ABCD3: variants seen among roughly 807,000 people sequenced by gnomAD.
The protein encoded by ABCD3 is ATP-binding cassette sub-family D member 3.
In ABCD3, 41 loss-of-function variants were observed where a neutral mutation model predicts 105.5. The observed-to-expected ratio is 0.39, with a 90% CI of 0.30 to 0.50. ABCD3 has a LOEUF of 0.50. Ranked by LOEUF, ABCD3 falls within the 20% of genes least tolerant of loss-of-function variation. The pLI is 0.84. For missense variants in ABCD3, 622 were observed against 806.3 expected, an observed-to-expected ratio of 0.77 and a Z score of 2.77; for synonymous variants, 258 against 269.0, an observed-to-expected ratio of 0.96 and a Z score of 0.40.
At chr1:94,517,016 T>C (rs372580208) in intron 22 of ABCD3, 36 bp from the exon 23 acceptor site, 24 of 1,379,530 alleles carry the variant, frequency 1.7e-5, no homozygotes, top group Non-Finnish European at 2.1e-5. Flanking sequence ...TATTCACTCT[T>C]AGTTACTGAC....
intron 1 of ABCD3, among the ~76,000 whole-genome samples, chr1:94,437,368 A>G (rs1659946037): frequency 6.6e-6 from 1 of 152,216 alleles, no homozygotes; most frequent in Non-Finnish European, 1.5e-5. Context: ...ATACACATTT[A>G]CCATAGTGAA....
chr1:94,420,510 A>T (rs1474483677), intron 1 of ABCD3, among the ~76,000 whole-genome samples: 1 of 152,222 alleles, frequency 6.6e-6, no homozygotes, highest in Non-Finnish European at 1.5e-5. Context: ...TGTACTGAAC[A>T]AAAGATTATT....
At chr1:94,508,723 G>A (rs1650496450) in intron 21 of ABCD3, among the ~76,000 whole-genome samples, 1 of 151,740 alleles carries the variant, frequency 6.6e-6, no homozygotes, top group Non-Finnish European at 1.5e-5. Context: ...TTGTAAGTTG[G>A]ATTCCTAGGT....
intron 20 of ABCD3, among the ~76,000 whole-genome samples, chr1:94,501,895 A>G (rs1329095474): frequency 6.6e-6 from 1 of 151,238 alleles, no homozygotes; most frequent in African/African-American, 2.4e-5. Flanking sequence ...TTTACCTTAA[A>G]TTAGCAACTA....
chr1:94,505,649 C>T (rs979900540), intron 20 of ABCD3, among the ~76,000 whole-genome samples: 1 of 151,902 alleles, frequency 6.6e-6, no homozygotes, highest in Non-Finnish European at 1.5e-5. Context: ...GAGGAGGAGA[C>T]CTAGAAATTA....
intron 21 of ABCD3, among the ~76,000 whole-genome samples, chr1:94,510,355 T>C (rs1174084356): frequency 3.9e-5 from 6 of 152,030 alleles, no homozygotes; most frequent in African/African-American, 1.4e-4. Flanking sequence ...GTCTGAGAGA[T>C]AGTTTGTTAT....
intron 2 of ABCD3, among the ~76,000 whole-genome samples, chr1:94,460,443 T>C (rs1294928900): frequency 1.3e-5 from 2 of 152,154 alleles, no homozygotes; most frequent in Admixed American, 1.3e-4. Flanking sequence ...AATCTGGTTC[T>C]TATTTCTCCA....
the ABCD3 span, among the ~76,000 whole-genome samples, chr1:94,390,894 G>C: frequency 6.6e-6 from 1 of 152,090 alleles, no homozygotes; most frequent in African/African-American, 2.4e-5. Context: ...TCTATCACTT[G>C]GCTTCTCTAT....
the ABCD3 span, among the ~76,000 whole-genome samples, chr1:94,413,274 T>C: frequency 6.6e-6 from 1 of 152,200 alleles, no homozygotes; most frequent in Non-Finnish European, 1.5e-5. Context: ...ATTGGGAGTA[T>C]GAGGTATGTA....
chr1:94,406,338 TTG>T, the ABCD3 span: 189 of 205,576 alleles, frequency 9.2e-4, 13 homozygotes, highest in South Asian at 3.5e-3. Flanking sequence ...GTATTTTGTT[TTG>T]TTTTTTTTTT....
intron 20 of ABCD3, among the ~76,000 whole-genome samples, chr1:94,503,967 C>T (rs113955089): frequency 0.013 from 1,784 of 134,132 alleles, 17 homozygotes; most frequent in Non-Finnish European, 0.021. Flanking sequence ...AGCTGGAGTA[C>T]ACTGGCACGA....
intron 1 of ABCD3, among the ~76,000 whole-genome samples, chr1:94,434,176 T>A (rs1051309970): frequency 2.6e-5 from 4 of 152,086 alleles, no homozygotes; most frequent in Non-Finnish European, 5.9e-5. Context: ...GAAATTTATT[T>A]AAAAAAAATT....
intron 10 of ABCD3, 57 bp downstream of exon 10, chr1:94,483,296 T>C: frequency 7.3e-7 from 1 of 1,365,612 alleles, no homozygotes; most frequent in Non-Finnish European, 1.0e-6. Flanking sequence ...TTTGTTTGTT[T>C]GTTTTGCCTA....
intron 1 of ABCD3, among the ~76,000 whole-genome samples, chr1:94,421,607 G>A (rs1229103059): frequency 6.8e-6 from 1 of 147,176 alleles, no homozygotes; most frequent in African/African-American, 2.5e-5. Context: ...AAAAATATAT[G>A]ACTTGTTTTC....
At chr1:94,461,807 G>T (rs920682201) in intron 2 of ABCD3, among the ~76,000 whole-genome samples, 4 of 152,130 alleles carry the variant, frequency 2.6e-5, no homozygotes, top group African/African-American at 9.7e-5. Flanking sequence ...AGGTATATTT[G>T]TAGGGTAAGT....
At chr1:94,510,090 A>T (rs1272351000) in intron 21 of ABCD3, among the ~76,000 whole-genome samples, 1 of 151,916 alleles carries the variant, frequency 6.6e-6, no homozygotes, top group East Asian at 1.9e-4. Flanking sequence ...TTAGGGTGTC[A>T]ATTTTGGATC....
At chr1:94,488,760 A>G (rs1649388862) in intron 13 of ABCD3, among the ~76,000 whole-genome samples, 1 of 151,826 alleles carries the variant, frequency 6.6e-6, no homozygotes, top group African/African-American at 2.4e-5. Flanking sequence ...AACTTTTCTT[A>G]TGGCTTTACA....
At chr1:94,468,082 G>T in intron 4 of ABCD3, 75 bp downstream of exon 4, 1 of 1,040,582 alleles carries the variant, frequency 9.6e-7, no homozygotes, top group Non-Finnish European at 1.5e-6. Flanking sequence ...ATCTTTATAA[G>T]CAACAAATAG....
At chr1:94,462,861 A>C (rs562352778) in intron 2 of ABCD3, among the ~76,000 whole-genome samples, 1 of 152,300 alleles carries the variant, frequency 6.6e-6, no homozygotes, top group Admixed American at 6.5e-5. Context: ...GAGGAAGAAC[A>C]AGTAGTTTAA....
Sources: allele counts gnomAD v4.1 joint callset (sites outside exome capture counted in the v4.1 genomes callset), GRCh38; gene constraint gnomAD v4.1.1; transcripts MANE v1.5; gene names NCBI Gene and HGNC (gene_info 2026-07-23, HGNC 2026-07-21).